Variants in PLN observed in about 807,000 individuals in gnomAD.
PLN encodes phospholamban.
PLN carries 1 observed loss-of-function variant against 3.9 expected under a neutral mutation model. That is an observed-to-expected ratio of 0.26 (90% CI 0.09 to 1.23). The LOEUF (loss-of-function observed/expected upper bound fraction) is 1.23. Ranked by LOEUF, PLN falls within the 50% of genes most tolerant of loss-of-function variation. PLN has a pLI of 0.48. For synonymous variants in PLN, 21 were observed against 20.5 expected (o/e 1.02, Z -0.07); for missense variants, 59 against 62.7 (o/e 0.94, Z 0.20).
At chr6:118,556,451 G>A (rs895963308) in intron 1 of PLN, among the ~76,000 whole-genome samples, 2 of 152,124 alleles carry the variant, frequency 1.3e-5, no homozygotes, top group Non-Finnish European at 2.9e-5. Context: ...ATAGACCCAA[G>A]TTGAACACTA....
intron 1 of PLN, among the ~76,000 whole-genome samples, chr6:118,557,979 T>TC (rs1305110420): frequency 1.3e-5 from 2 of 151,796 alleles, no homozygotes; most frequent in African/African-American, 4.8e-5. Context: ...TTTTTTTTTT[T>TC]CCTGGGACAG....
intron 1 of PLN, among the ~76,000 whole-genome samples, chr6:118,550,078 T>C (rs1778451963): frequency 6.6e-6 from 1 of 151,798 alleles, no homozygotes; most frequent in Non-Finnish European, 1.5e-5. Context: ...ATGGAAAAAA[T>C]ATGAAAGATG....
At chr6:118,551,297 C>T (rs1778528691) in intron 1 of PLN, among the ~76,000 whole-genome samples, 1 of 151,686 alleles carries the variant, frequency 6.6e-6, no homozygotes, top group South Asian at 2.1e-4. Context: ...TGAAAAGGTA[C>T]TCCATCTTTA....
rs1779102544 is a variant in PLN, at chr6:118,559,509, G to T, written c.*429G>T. 1 of 206,748 alleles carries T rather than the reference G, an allele frequency of 4.8e-6. No homozygotes were observed. The highest frequency in any genetic ancestry group is 1.1e-5 in the Non-Finnish European group (1 of 91,480). 12.8% of individuals were successfully genotyped at this position (206,748 alleles called of 1,614,324 possible). On this transcript the variant is annotated 3_prime_UTR_variant, in exon 2 of 2. Coordinates refer to ENST00000357525, the MANE Select transcript of PLN (RefSeq NM_002667.5). ...TTCTTTAATACTAAGTATTTTTCAGGTCTTCACCAAGTATCAAAGTAATAA... is the reference window on the plus strand; with the variant it reads ...TTCTTTAATACTAAGTATTTTTCAGTTCTTCACCAAGTATCAAAGTAATAA...
At chr6:118,557,122 C>T (rs2114959042) in intron 1 of PLN, among the ~76,000 whole-genome samples, 1 of 152,188 alleles carries the variant, frequency 6.6e-6, no homozygotes, top group African/African-American at 2.4e-5. Flanking sequence ...TAAAATGTTA[C>T]TTAAGATAAC....
rs2114978042 is a variant in PLN, at chr6:118,560,887, A to G, written c.*1807A>G. ...AAAATAGTTTACACCTATACTGCATAATCCAACAATTTTAATTTCAGTTGA... is the reference window on the plus strand; with the variant it reads ...AAAATAGTTTACACCTATACTGCATGATCCAACAATTTTAATTTCAGTTGA... On this transcript the variant is annotated 3_prime_UTR_variant, in exon 2 of 2. Coordinates refer to ENST00000357525, the MANE Select transcript of PLN (RefSeq NM_002667.5). 6.6e-6 allele frequency among the ~76,000 whole-genome samples: 1 copy of G among 152,322 alleles called. No individual in the cohort carries two copies.
At chr6:118,558,525 C>T (rs1779010721) in intron 1 of PLN, among the ~76,000 whole-genome samples, 1 of 151,700 alleles carries the variant, frequency 6.6e-6, no homozygotes, top group South Asian at 2.1e-4. Flanking sequence ...GAGAAAAAGG[C>T]AAGGACTAAA....
In PLN at chr6:118,561,440, A is replaced by C. The variant is rs1779217452; in HGVS notation, c.*2360A>C. On this transcript the variant is annotated 3_prime_UTR_variant, in exon 2 of 2. Transcript: ENST00000357525. ...TCTGTGAGGATTACAGAATACTATA[A>C]CTCAAATTATAAAGTAGAATAAACT... Among the ~76,000 whole-genome samples, 1 of 152,116 alleles carries C rather than the reference A, an allele frequency of 6.6e-6. No homozygotes were observed. The highest frequency in any genetic ancestry group is 2.1e-4 in the South Asian group (1 of 4,824).
At chr6:118,552,307 A>G (rs762614530) in intron 1 of PLN, among the ~76,000 whole-genome samples, 2 of 152,108 alleles carry the variant, frequency 1.3e-5, no homozygotes, top group Non-Finnish European at 2.9e-5. Flanking sequence ...CTGAAGTTTG[A>G]GAAGTTCTGC....
chr6:118,557,735 C>T (rs963188019), intron 1 of PLN, among the ~76,000 whole-genome samples: 9 of 152,068 alleles, frequency 5.9e-5, no homozygotes, highest in African/African-American at 1.7e-4. Flanking sequence ...AAATTATTAT[C>T]GAATAAAAAT....
chr6:118,558,779 A>T (rs950612883), intron 1 of PLN, 46 bp from the exon 2 acceptor site: 1 of 697,550 alleles, frequency 1.4e-6, no homozygotes, highest in Non-Finnish European at 2.6e-6. Flanking sequence ...TTCTGAGGAT[A>T]GGTTACATAG....
At chr6:118,551,286 T>C (rs772705580) in intron 1 of PLN, among the ~76,000 whole-genome samples, 1 of 151,766 alleles carries the variant, frequency 6.6e-6, no homozygotes, top group Non-Finnish European at 1.5e-5. Context: ...TCTAGTGCCT[T>C]TGAAAAGGTA....
rs146918366 is a variant in PLN, at chr6:118,555,685, T to C, written c.-97-3140T>C. ...CTTTTGTTTTAAGTTTGGGGGTATG[T>C]GTGAAGGTTTGTTACACAGGTAAAC... On this transcript the variant is annotated intron_variant, in intron 1 of 1. Coordinates refer to ENST00000357525, the MANE Select transcript of PLN (RefSeq NM_002667.5). 9.2e-5 allele frequency among the ~76,000 whole-genome samples: 14 copies of C among 152,262 alleles called. No homozygotes were observed. The East Asian group carries it at 2.7e-3, about 29-fold the overall frequency.
intron 1 of PLN, among the ~76,000 whole-genome samples, chr6:118,556,068 C>T (rs1052792020): frequency 6.6e-5 from 10 of 152,062 alleles, no homozygotes; most frequent in Admixed American, 6.5e-5. Context: ...GCACTTAGGC[C>T]GGTTCATGTC....
chr6:118,553,120 T>C (rs2114938183), intron 1 of PLN, among the ~76,000 whole-genome samples: 1 of 151,660 alleles, frequency 6.6e-6, no homozygotes. Flanking sequence ...CAGAATGCTC[T>C]AAAAAGATCA....
At chr6:118,557,965 CTTT>C (rs112347844) in intron 1 of PLN, among the ~76,000 whole-genome samples, 1 of 140,960 alleles carries the variant, frequency 7.1e-6, no homozygotes, top group South Asian at 2.2e-4. Flanking sequence ...TCTTTGTTGG[CTTT>C]TTTTTTTTTT....
intron 1 of PLN, among the ~76,000 whole-genome samples, chr6:118,554,914 C>T (rs1219054256): frequency 6.6e-6 from 1 of 152,180 alleles, no homozygotes; most frequent in Non-Finnish European, 1.5e-5. Flanking sequence ...TGAAGTACAA[C>T]TTACCAGTGT....
chr6:118,558,944 C>T lies in PLN; in HGVS notation c.23C>T (p.Thr8Ile). 6.2e-7 allele frequency: 1 copy of T among 1,613,854 alleles called. No individual in the cohort carries two copies. Among genetic ancestry groups the T allele is most frequent in the Non-Finnish European group, 8.5e-7 (1 of 1,179,730 alleles). ...ATCATGGAGAAAGTCCAATACCTCA[C>T]TCGCTCAGCTATAAGAAGAGCCTCA... is the stretch of plus-strand genomic sequence containing the variant. MEKVQYL[T>I]RSAIRRASTI... The change falls in exon 2 of 2, where the codon ACT becomes ATT. Residue 8 changes from threonine (T) to isoleucine (I), a missense_variant. Thr to Ile is a moderately conservative substitution (Grantham distance 89). Transcript: ENST00000357525.
intron 1 of PLN, among the ~76,000 whole-genome samples, chr6:118,553,791 T>C (rs1319035995): frequency 6.6e-6 from 1 of 152,184 alleles, no homozygotes; most frequent in African/African-American, 2.4e-5. Flanking sequence ...TATCTCTGTA[T>C]TTCACAAATA....
Sources: allele counts gnomAD v4.1 joint callset (sites outside exome capture counted in the v4.1 genomes callset), GRCh38; gene constraint gnomAD v4.1.1; transcripts MANE v1.5; gene names NCBI Gene and HGNC (gene_info 2026-07-23, HGNC 2026-07-21).